EIPR1: variants seen among roughly 807,000 people sequenced by gnomAD.
The protein encoded by EIPR1 is EARP complex and GARP complex interacting protein 1.
In EIPR1, 25 loss-of-function variants were observed where a neutral mutation model predicts 48.1. The ratio of observed to expected loss-of-function variants is 0.52; its 90% CI spans 0.38 to 0.73. The LOEUF is 0.73. Ranked by LOEUF, EIPR1 falls within the 30% of genes least tolerant of loss-of-function variation. The pLI is 0.00. For missense variants in EIPR1, 415 were observed against 506.2 expected (o/e 0.82, Z 1.73); for synonymous variants, 204 against 201.9 (o/e 1.01, Z -0.09).
intron 3 of EIPR1, among the ~76,000 whole-genome samples, chr2:3,298,659 T>C (rs1394853033): frequency 1.3e-5 from 2 of 151,842 alleles, no homozygotes; most frequent in Non-Finnish European, 1.5e-5. Flanking sequence ...TGATCTCCTA[T>C]ACCAAGAGCT....
At chr2:3,318,438 T>G (rs1453786811) in intron 3 of EIPR1, among the ~76,000 whole-genome samples, 1 of 152,174 alleles carries the variant, frequency 6.6e-6, no homozygotes, top group East Asian at 1.9e-4. Flanking sequence ...AAACAGCACA[T>G]TAATTCCACT....
chr2:3,193,849 A>T, intron 7 of EIPR1, 150 bp downstream of exon 7: 1 of 740,888 alleles, frequency 1.3e-6, no homozygotes, highest in Non-Finnish European at 2.1e-6. Context: ...ATTTGGAATT[A>T]GTGTTTCTTT....
chr2:3,289,983 T>C (rs1010310406), intron 3 of EIPR1, among the ~76,000 whole-genome samples: 1 of 152,266 alleles, frequency 6.6e-6, no homozygotes. Context: ...CAATGCCCTC[T>C]GATGGGCCCT....
chr2:3,204,007 C>G (rs532076669), intron 5 of EIPR1, among the ~76,000 whole-genome samples: 2 of 152,252 alleles, frequency 1.3e-5, no homozygotes, highest in Non-Finnish European at 2.9e-5. Context: ...GTTATCCACA[C>G]AAAAGCTGAG....
intron 4 of EIPR1, among the ~76,000 whole-genome samples, chr2:3,250,983 T>C (rs1666985421): frequency 2.0e-5 from 3 of 152,094 alleles, no homozygotes; most frequent in South Asian, 4.1e-4. Flanking sequence ...TATTCCTTTA[T>C]AGCAATGCAA....
At chr2:3,337,211 T>C (rs1186484193) in intron 3 of EIPR1, among the ~76,000 whole-genome samples, 1 of 152,148 alleles carries the variant, frequency 6.6e-6, no homozygotes, top group Non-Finnish European at 1.5e-5. Context: ...CGGGATGTCC[T>C]GGTGACCAGC....
Position 3,269,010 on chromosome 2 carries a change from G to T in EIPR1, c.260-11555C>A, listed in dbSNP as rs540965615. On this transcript the variant is annotated intron_variant, in intron 3 of 8. Coordinates refer to ENST00000382125, the MANE Select transcript of EIPR1 (RefSeq NM_003310.5). ...AGGCCCACGGGAGAATCACAGGCCA[G>T]CTGCTGAGGTGTGGGAGGAAAGCAG... 9.8e-5 allele frequency among the ~76,000 whole-genome samples: 15 copies of T among 152,362 alleles called. No homozygotes were observed. In the South Asian group the frequency reaches 3.1e-3, roughly 32 times the overall value.
intron 3 of EIPR1, among the ~76,000 whole-genome samples, chr2:3,283,723 C>T (rs1405186976): frequency 6.6e-6 from 1 of 152,140 alleles, no homozygotes; most frequent in Admixed American, 6.5e-5. Flanking sequence ...GCAGGTGGAT[C>T]ATTTGAGGTC....
At chr2:3,227,641 G>C (rs930580080) in intron 4 of EIPR1, among the ~76,000 whole-genome samples, 4 of 152,222 alleles carry the variant, frequency 2.6e-5, no homozygotes, top group Non-Finnish European at 5.9e-5. Flanking sequence ...TTTCTCCAGG[G>C]CATGTCAGAG....
intron 4 of EIPR1, among the ~76,000 whole-genome samples, chr2:3,236,110 A>C (rs1488514293): frequency 1.3e-5 from 2 of 152,312 alleles, no homozygotes; most frequent in East Asian, 3.9e-4. Flanking sequence ...AGAAATGAAC[A>C]GTCACAGCCC....
intron 5 of EIPR1, 61 bp from the exon 6 acceptor site, chr2:3,197,078 C>T (rs780052923): frequency 1.9e-6 from 3 of 1,586,520 alleles, no homozygotes; most frequent in Non-Finnish European, 2.6e-6. Flanking sequence ...GAAGTCTGTT[C>T]AGAAAACGCG....
intron 1 of EIPR1, among the ~76,000 whole-genome samples, chr2:3,370,103 A>G (rs1349498200): frequency 6.6e-6 from 1 of 152,168 alleles, no homozygotes; most frequent in Non-Finnish European, 1.5e-5. Flanking sequence ...TTCTGCAGAC[A>G]CCGCTGCTGA....
intron 2 of EIPR1, among the ~76,000 whole-genome samples, chr2:3,354,098 T>C (rs910005123): frequency 3.3e-5 from 5 of 152,074 alleles, no homozygotes; most frequent in Non-Finnish European, 7.4e-5. Context: ...CACCAAAGGG[T>C]CCCATCTGTA....
intron 4 of EIPR1, among the ~76,000 whole-genome samples, chr2:3,223,380 C>A (rs1353232486): frequency 2.0e-5 from 3 of 152,180 alleles, no homozygotes; most frequent in African/African-American, 7.2e-5. Context: ...GAGCTCACAC[C>A]TCCCACTCAT....
rs564442219 is a variant in EIPR1, at chr2:3,345,498, G to A, written c.127-7349C>T. Among the ~76,000 whole-genome samples the A allele has an allele frequency of 4.6e-5, 7 of 152,082 alleles. No homozygotes were observed. The South Asian group carries it at 8.3e-4, about 18-fold the overall frequency. ...AAATTAGCCGGGCATGGTGGTGCACGCCTGTGATCCCCGCTATTCAGGAGG... is the reference window on the plus strand; with the variant it reads ...AAATTAGCCGGGCATGGTGGTGCACACCTGTGATCCCCGCTATTCAGGAGG... On this transcript the variant is annotated intron_variant, in intron 2 of 8. Transcript: ENST00000382125.
chr2:3,335,635 G>A (rs986965118), intron 3 of EIPR1, among the ~76,000 whole-genome samples: 1 of 152,186 alleles, frequency 6.6e-6, no homozygotes, highest in Non-Finnish European at 1.5e-5. Flanking sequence ...ATCTCATCTC[G>A]AATTGTAATC....
chr2:3,245,862 T>G (rs1365568001), intron 4 of EIPR1, among the ~76,000 whole-genome samples: 1 of 152,232 alleles, frequency 6.6e-6, no homozygotes, highest in Non-Finnish European at 1.5e-5. Flanking sequence ...AGTTTGAGAC[T>G]AGCCTGAGCA....
At chr2:3,238,811 G>A (rs1255650088) in intron 4 of EIPR1, among the ~76,000 whole-genome samples, 2 of 152,200 alleles carry the variant, frequency 1.3e-5, no homozygotes, top group South Asian at 2.1e-4. Flanking sequence ...TGCATGCCCT[G>A]AGATTCCCAG....
At chr2:3,270,367 C>A (rs2103244318) in intron 3 of EIPR1, among the ~76,000 whole-genome samples, 1 of 152,294 alleles carries the variant, frequency 6.6e-6, no homozygotes, top group East Asian at 1.9e-4. Flanking sequence ...CGGGGTACCT[C>A]CTCCAAGCTC....
Sources: allele counts gnomAD v4.1 joint callset (sites outside exome capture counted in the v4.1 genomes callset), GRCh38; gene constraint gnomAD v4.1.1; transcripts MANE v1.5; gene names NCBI Gene and HGNC (gene_info 2026-07-23, HGNC 2026-07-21).